Variants in EEF2K observed in about 807,000 individuals in gnomAD.
EEF2K encodes eukaryotic elongation factor 2 kinase, also known as alternative protein EEF2K.
A neutral mutation model predicts 93.8 loss-of-function variants in EEF2K; 70 were observed. The ratio of observed to expected loss-of-function variants is 0.75; its 90% CI spans 0.62 to 0.91. EEF2K has a LOEUF of 0.91. Ranked by LOEUF, EEF2K falls within the 40% of genes least tolerant of loss-of-function variation. The pLI, the probability that EEF2K is intolerant of heterozygous loss-of-function variation, is 0.00. For synonymous variants in EEF2K, 376 were observed against 380.8 expected (o/e 0.99, Z 0.15); for missense variants, 935 against 972.9 (o/e 0.96, Z 0.52).
rs772854122 is a variant in EEF2K, at chr16:22,244,768, G to A, written c.347+38G>A. On this transcript the variant is annotated intron_variant, in intron 3 of 17. Coordinates refer to ENST00000263026, the MANE Select transcript of EEF2K (RefSeq NM_013302.5). The stretch of plus-strand genomic sequence containing the variant: ...TGTGGGGTCTCGAGGAGTCCTGGGG[G>A]CTATACGTCCAGCTTCTGTTCCCAA... 9.4e-6 allele frequency: 15 copies of A among 1,603,786 alleles called. No homozygotes were observed. In the Admixed American group the frequency reaches 1.5e-4, roughly 16 times the overall value.
intron 12 of EEF2K, 124 bp from the exon 13 acceptor site, chr16:22,264,694 T>G: frequency 2.4e-5 from 24 of 981,112 alleles, no homozygotes; most frequent in Non-Finnish European, 3.4e-5. Context: ...GCCAATTTTC[T>G]GAGATAAGGG....
rs2047680749 is a variant in EEF2K, at chr16:22,280,313, G to T, written c.2005G>T (p.Ala669Ser). 6 of 1,607,692 alleles carry T rather than the reference G, an allele frequency of 3.7e-6. No individual in the cohort carries two copies. The highest frequency in any genetic ancestry group is 5.1e-6 in the Non-Finnish European group (6 of 1,177,200). Residue 669 changes from alanine (A) to serine (S), a missense_variant, in exon 17 of 18, where the codon GCC becomes TCC. Physicochemically the swap from Ala to Ser is moderately conservative, Grantham distance 99. Transcript: ENST00000263026. ...GGACGAGCCCCGGTACATGATGCTGGCCAGGGAGGCCGAGATGCTGTTCAC... is the reference window on the plus strand; with the variant it reads ...GGACGAGCCCCGGTACATGATGCTGTCCAGGGAGGCCGAGATGCTGTTCAC... The part of the protein sequence containing the change: ...MQDEPRYMML[A>S]REAEMLFTGG...
At chr16:22,241,893 T>C (rs2047227233) in intron 2 of EEF2K, among the ~76,000 whole-genome samples, 1 of 151,406 alleles carries the variant, frequency 6.6e-6, no homozygotes, top group African/African-American at 2.4e-5. Context: ...CCTTGGGAGG[T>C]TGAGGCAGGA....
chr16:22,266,893 G>C lies in EEF2K; in HGVS notation c.1764+17G>C. 16 of 1,586,872 alleles carry C rather than the reference G, an allele frequency of 1.0e-5. No individual in the cohort carries two copies. The highest frequency in any genetic ancestry group is 1.4e-5 in the Non-Finnish European group (16 of 1,162,980). On this transcript the variant is annotated intron_variant, in intron 15 of 17. Transcript: ENST00000263026. ...TCTCTGAAGGTGAGCAGGTGGCGGGGACCCAGCTGCAGGTGGGGGTGGGAC... is the reference window on the plus strand; with the variant it reads ...TCTCTGAAGGTGAGCAGGTGGCGGGCACCCAGCTGCAGGTGGGGGTGGGAC...
intron 3 of EEF2K, among the ~76,000 whole-genome samples, chr16:22,246,244 G>T (rs2047289596): frequency 6.6e-6 from 1 of 152,106 alleles, no homozygotes; most frequent in Non-Finnish European, 1.5e-5. Flanking sequence ...GAAGAAGACT[G>T]GGCATGGTGG....
intron 16 of EEF2K, among the ~76,000 whole-genome samples, chr16:22,279,774 C>T (rs887943532): frequency 1.3e-5 from 2 of 152,048 alleles, no homozygotes; most frequent in African/African-American, 4.8e-5. Context: ...GCATGTGGAT[C>T]ACTCGAGGTT....
At chr16:22,264,907 T>C in intron 13 of EEF2K, 27 bp downstream of exon 13, 1 of 1,613,484 alleles carries the variant, frequency 6.2e-7, no homozygotes, top group Non-Finnish European at 8.5e-7. Flanking sequence ...CACCCTTGTC[T>C]CTGCCTCTTC....
rs2047681887 is a variant in EEF2K, at chr16:22,280,393, C to T, written c.2068+17C>T. The T allele has an allele frequency of 6.8e-7, 1 of 1,479,242 alleles. No individual in the cohort carries two copies. 91.6% of individuals were successfully genotyped at this position (1,479,242 alleles called of 1,614,324 possible). ...AGAGATCAGGTAGGGCCTGGCAGAC[C>T]TGCCCCTGGGCTGCAACAGGGCTGG... On this transcript the variant is annotated intron_variant, in intron 17 of 17. Transcript: ENST00000263026.
chr16:22,247,888 T>C (rs1204381250), intron 3 of EEF2K, among the ~76,000 whole-genome samples: 1 of 152,052 alleles, frequency 6.6e-6, no homozygotes, highest in African/African-American at 2.4e-5. Flanking sequence ...CGGCTGTTAC[T>C]TCTCGGGAGA....
rs375224290 is a variant in EEF2K at position 22,233,239 on chromosome 16, C to T, written c.246+7264C>T. 7.9e-5 allele frequency among the ~76,000 whole-genome samples: 12 copies of T among 152,284 alleles called. No individual in the cohort carries two copies. The South Asian group carries it at 1.2e-3, about 16-fold the overall frequency. ...CAAGGCCTGAGGGGAAGCACATCAC[C>T]AGGGCAGCAGGAATTGTCTTTGGAT... is the stretch of plus-strand genomic sequence containing the variant. On this transcript the variant is annotated intron_variant, in intron 2 of 17. Transcript: ENST00000263026.
intron 1 of EEF2K, among the ~76,000 whole-genome samples, chr16:22,212,824 A>G (rs1205157977): frequency 6.6e-6 from 1 of 152,058 alleles, no homozygotes; most frequent in Non-Finnish European, 1.5e-5. Context: ...ATTTTTTAAA[A>G]TAAGCCAGGC....
chr16:22,242,168 C>CA (rs1287914805), intron 2 of EEF2K, among the ~76,000 whole-genome samples: 1 of 151,932 alleles, frequency 6.6e-6, no homozygotes, highest in Non-Finnish European at 1.5e-5. Flanking sequence ...AACAAAAACC[C>CA]AAAAACAAAA....
intron 13 of EEF2K, 126 bp from the exon 14 acceptor site, chr16:22,266,264 T>G (rs2047516714): frequency 6.4e-6 from 9 of 1,396,642 alleles, no homozygotes; most frequent in Non-Finnish European, 8.6e-6. Context: ...CAATAAACTT[T>G]GACATCGTGA....
At chr16:22,250,946 C>A (rs763061605) in intron 5 of EEF2K, among the ~76,000 whole-genome samples, 11 of 152,142 alleles carry the variant, frequency 7.2e-5, no homozygotes, top group Admixed American at 2.6e-4. Flanking sequence ...GGATAGGAGA[C>A]CTTTAACAGT....
chr16:22,215,871 G>A (rs942783896), intron 1 of EEF2K, among the ~76,000 whole-genome samples: 6 of 152,212 alleles, frequency 3.9e-5, no homozygotes, highest in African/African-American at 1.4e-4. Context: ...GTTGCAGTAA[G>A]CCGAGATCAC....
Position 22,257,376 on chromosome 16 carries a change from G to A in EEF2K, c.892G>A (p.Gly298Ser), listed in dbSNP as rs750035573. The A allele has an allele frequency of 1.2e-5, 20 of 1,613,496 alleles. No homozygotes were observed. Among genetic ancestry groups the A allele is most frequent in the East Asian group, 4.5e-5 (2 of 44,872 alleles). Residue 298 changes from glycine to serine, a missense_variant, in exon 8 of 18, where the codon GGC (glycine) becomes AGC (serine). Physicochemically the swap from Gly to Ser is moderately conservative, Grantham distance 56. Coordinates refer to ENST00000263026, the MANE Select transcript of EEF2K (RefSeq NM_013302.5). ...HTETGTDFGDGNLGVRGMALF... is the reference protein window; with the variant it reads ...HTETGTDFGDSNLGVRGMALF... ...GGAGACGGGCACTGACTTTGGAGAC[G>A]GCAACCTAGGTACGTGGGGAAAGCC...
intron 13 of EEF2K, among the ~76,000 whole-genome samples, chr16:22,265,786 G>A (rs1339037722): frequency 1.3e-5 from 2 of 152,240 alleles, no homozygotes; most frequent in East Asian, 3.8e-4. Flanking sequence ...GAGAAATGAT[G>A]TGTTTTTTAA....
intron 2 of EEF2K, among the ~76,000 whole-genome samples, chr16:22,243,280 C>A (rs1208928785): frequency 2.1e-5 from 3 of 141,104 alleles, no homozygotes; most frequent in Non-Finnish European, 4.5e-5. Context: ...GAGACAGGGT[C>A]TCCCTCTGTC....
chr16:22,208,835 T>C (rs1190936518), intron 1 of EEF2K, among the ~76,000 whole-genome samples: 10 of 152,202 alleles, frequency 6.6e-5, no homozygotes, highest in Admixed American at 6.5e-4. Context: ...CTCGTCCTCC[T>C]GGGGTGCTCC....
Sources: gnomAD v4.1 joint callset for allele counts (sites outside exome capture counted in the v4.1 genomes callset) on GRCh38, gnomAD v4.1.1 for gene constraint, MANE v1.5 for transcripts, NCBI Gene and HGNC (gene_info 2026-07-23, HGNC 2026-07-21) for gene names.